The following WDR75 variants were observed in gnomAD, a reference collection of about 807,000 sequenced individuals.
WDR75 encodes WD repeat-containing protein 75.
In WDR75, 52 loss-of-function variants were observed where a neutral mutation model predicts 106.1. The ratio of observed to expected loss-of-function variants is 0.49; its 90% CI spans 0.39 to 0.62. WDR75 has a LOEUF of 0.62. Ranked by LOEUF, WDR75 falls within the 20% of genes least tolerant of loss-of-function variation. The pLI, the probability that WDR75 is intolerant of heterozygous loss-of-function variation, is 0.00. For missense variants in WDR75, 905 were observed against 970.3 expected (o/e 0.93, Z 0.89); for synonymous variants, 333 against 335.5 (o/e 0.99, Z 0.08).
At position 189,475,516 on chromosome 2, in the gene WDR75, GATA is replaced by G; in HGVS notation, c.*104_*106del. 2 of 761,002 alleles carry G rather than the reference GATA, an allele frequency of 2.6e-6. No individual in the cohort carries two copies. Among genetic ancestry groups the G allele is most frequent in the Admixed American group, 3.6e-5 (1 of 27,472 alleles). The allele number at this position is 761,002 out of a possible 1,614,324, so 47.1% of individuals were successfully genotyped here. On this transcript the variant is annotated 3_prime_UTR_variant, in exon 21 of 21. Transcript: ENST00000314761. ...AATGTTATTTCTGTTCTAAAAATAA[GATA>G]ATAAATATTAACAAACTTTGCTTTT... is the stretch of plus-strand genomic sequence containing the variant.
chr2:189,442,169 C>A (rs1686386362), intron 1 of WDR75, among the ~76,000 whole-genome samples: 2 of 152,166 alleles, frequency 1.3e-5, no homozygotes, highest in South Asian at 2.1e-4. Context: ...GTTTCTTAAT[C>A]TTTGCCTCAG....
intron 19 of WDR75, 84 bp downstream of exon 19, chr2:189,474,416 A>G (rs1687172444): frequency 6.9e-7 from 1 of 1,449,000 alleles, no homozygotes; most frequent in Non-Finnish European, 9.4e-7. Context: ...TCAATCTGTA[A>G]TTTGTATGCT....
At chr2:189,470,639 T>TA (rs1687097277) in intron 17 of WDR75, among the ~76,000 whole-genome samples, 180 bp from the exon 18 acceptor site, 1 of 152,132 alleles carries the variant, frequency 6.6e-6, no homozygotes, top group African/African-American at 2.4e-5. Context: ...CTCTCAGACA[T>TA]AATCTTGTAA....
chr2:189,468,610 T>C, intron 15 of WDR75, 41 bp downstream of exon 15: 2 of 1,595,540 alleles, frequency 1.3e-6, no homozygotes, highest in Non-Finnish European at 1.7e-6. Flanking sequence ...GCAAAGCGCA[T>C]AAGGAGTTGA....
At chr2:189,455,502 C>T in intron 5 of WDR75, 58 bp downstream of exon 5, 1 of 1,557,148 alleles carries the variant, frequency 6.4e-7, no homozygotes, top group Non-Finnish European at 8.7e-7. Context: ...CCTGCAATCT[C>T]TCTTCTGAGC....
intron 1 of WDR75, among the ~76,000 whole-genome samples, chr2:189,444,434 T>A (rs775776333): frequency 1.3e-5 from 2 of 152,176 alleles, no homozygotes; most frequent in Non-Finnish European, 2.9e-5. Flanking sequence ...TGACTCTCAG[T>A]CCAGTTCTGT....
At chr2:189,456,358 C>A (rs1189062225) in intron 5 of WDR75, among the ~76,000 whole-genome samples, 1 of 151,732 alleles carries the variant, frequency 6.6e-6, no homozygotes, top group Admixed American at 6.6e-5. Context: ...CATAGTAGCT[C>A]CAAAATGTAA....
chr2:189,448,678 T>TG, intron 2 of WDR75, 170 bp downstream of exon 2: 3 of 803,756 alleles, frequency 3.7e-6, no homozygotes, highest in Non-Finnish European at 6.2e-6. Flanking sequence ...GCATATTCTG[T>TG]GAACCATTTG....
In WDR75 at chr2:189,458,768, A is replaced by G. The variant is rs950952077; in HGVS notation, c.585A>G (p.Ser195=). 1.4e-5 allele frequency: 23 copies of G among 1,586,878 alleles called. No homozygotes were observed. Among genetic ancestry groups the G allele is most frequent in the Non-Finnish European group, 1.9e-5 (22 of 1,166,556 alleles). ...TTTCTCCTAGGTTTACTTTATCATC[A>G]TCAAGAAATAAGAAGCATGCTAAAA... is the stretch of plus-strand genomic sequence containing the variant. ...KKTTSRFTLS[S]SRNKKHAKNN... is the part of the protein sequence containing the mutation. The change falls in exon 7 of 21, where the codon TCA becomes TCG. Residue 195 remains serine (S), a synonymous_variant. Coordinates refer to ENST00000314761, the MANE Select transcript of WDR75 (RefSeq NM_032168.3).
intron 18 of WDR75, 46 bp downstream of exon 18, chr2:189,470,924 G>A: frequency 1.4e-6 from 2 of 1,424,106 alleles, no homozygotes; most frequent in South Asian, 1.4e-5. Context: ...TCCCTAAAAG[G>A]ATACAATTAC....
Position 189,462,599 on chromosome 2 carries a change from C to G in WDR75, c.894C>G (p.Val298=). The change falls in exon 9 of 21, where the codon GTC becomes GTG. Residue 298 remains valine (V), a synonymous_variant. Coordinates refer to ENST00000314761, the MANE Select transcript of WDR75 (RefSeq NM_032168.3). ...GAGCTACTATTGAACATATCTCAGTCTCGCCTGCAGGAGATTTATTCTGCA... is the reference window on the plus strand; with the variant it reads ...GAGCTACTATTGAACATATCTCAGTGTCGCCTGCAGGAGATTTATTCTGCA... ...RLGATIEHIS[V]SPAGDLFCTS... The G allele has an allele frequency of 6.2e-7, 1 of 1,613,980 alleles. No homozygotes were observed. The highest frequency in any genetic ancestry group is 8.5e-7 in the Non-Finnish European group (1 of 1,179,950).
At chr2:189,458,171 C>T (rs1244006819) in intron 6 of WDR75, among the ~76,000 whole-genome samples, 1 of 152,110 alleles carries the variant, frequency 6.6e-6, no homozygotes, top group Non-Finnish European at 1.5e-5. Flanking sequence ...GATCCACCCG[C>T]CTCAGCCTCC....
chr2:189,441,724 A>G (rs953024987), intron 1 of WDR75, 146 bp downstream of exon 1: 7 of 916,596 alleles, frequency 7.6e-6, no homozygotes, highest in Non-Finnish European at 1.0e-5. Context: ...GGGGATCCCC[A>G]GGGTACCTGG....
rs1419284797 is a variant in WDR75, at chr2:189,451,856, G to A, written c.334G>A (p.Glu112Lys). The change falls in exon 4 of 21, where the codon GAG becomes AAG. Residue 112 changes from glutamate to lysine, a missense_variant. Coordinates refer to ENST00000314761, the MANE Select transcript of WDR75 (RefSeq NM_032168.3). Reference sequence around the variant, plus strand: ...TGCCCTCTTTACTCTTGCCCAAGCTGAGGATTCTGTCTTTGTTATAGTGAA... The same window carrying A: ...TGCCCTCTTTACTCTTGCCCAAGCTAAGGATTCTGTCTTTGTTATAGTGAA... ...LHALFTLAQAEDSVFVIVNKE... is the reference protein window; with the variant it reads ...LHALFTLAQAKDSVFVIVNKE... 6.2e-7 allele frequency: 1 copy of A among 1,613,740 alleles called. No homozygotes were observed. Among genetic ancestry groups the A allele is most frequent in the Non-Finnish European group, 8.5e-7 (1 of 1,179,914 alleles).
At chr2:189,455,217 G>A (rs1461199176) in intron 4 of WDR75, 103 bp from the exon 5 acceptor site, 1 of 1,370,856 alleles carries the variant, frequency 7.3e-7, no homozygotes, top group Non-Finnish European at 9.6e-7. Flanking sequence ...CTCCAGCCTG[G>A]GCGACAGAGC....
intron 8 of WDR75, among the ~76,000 whole-genome samples, chr2:189,461,762 A>G (rs960417918): frequency 2.6e-5 from 4 of 152,188 alleles, no homozygotes; most frequent in African/African-American, 9.7e-5. Flanking sequence ...TGCACTAGAC[A>G]TCCAGTTAAC....
chr2:189,465,756 A>G (rs1332906479), intron 12 of WDR75, among the ~76,000 whole-genome samples: 1 of 152,146 alleles, frequency 6.6e-6, no homozygotes, highest in Non-Finnish European at 1.5e-5. Flanking sequence ...GAACACTGTA[A>G]GATAAGCCTG....
At chr2:189,449,326 C>A in intron 2 of WDR75, 1 of 1,300,018 alleles carries the variant, frequency 7.7e-7, no homozygotes. Context: ...AAAGTAGCAC[C>A]GATCTTTTCT....
At chr2:189,455,486 T>G in intron 5 of WDR75, 42 bp downstream of exon 5, 1 of 1,583,762 alleles carries the variant, frequency 6.3e-7, no homozygotes, top group Non-Finnish European at 8.6e-7. Context: ...TACCTAAAAT[T>G]TCTTTCCTGC....
Sources: allele counts gnomAD v4.1 joint callset (sites outside exome capture counted in the v4.1 genomes callset), GRCh38; gene constraint gnomAD v4.1.1; transcripts MANE v1.5; gene names NCBI Gene and HGNC (gene_info 2026-07-23, HGNC 2026-07-21).